Variants in GANC observed in about 807,000 individuals in gnomAD.
GANC encodes the protein glucosidase alpha, neutral C.
Under a neutral mutation model 124.2 loss-of-function variants are expected in GANC, and 117 were observed. That is an observed-to-expected ratio of 0.94 (90% confidence interval 0.81 to 1.10). The LOEUF (loss-of-function observed/expected upper bound fraction) is 1.10. GANC is among the 50% of genes least tolerant of loss of function. GANC has a pLI of 0.00. For synonymous variants in GANC, 377 were observed against 376.8 expected (o/e 1.00, Z -0.01); for missense variants, 1,140 against 1,095.0 (o/e 1.04, Z -0.58).
chr15:42,278,474 A>G lies in GANC; in HGVS notation c.93-8A>G, dbSNP rs2051698089. On this transcript the variant is annotated splice_polypyrimidine_tract_variant and splice_region_variant and intron_variant, in intron 2 of 23. Transcript: ENST00000318010. ...ATTATCAAGCATCTGCATACTCCGT[A>G]TCTATAGGCGTCAGAAACAGTGGCT... The G allele has an allele frequency of 6.3e-7, 1 of 1,576,408 alleles. No individual in the cohort carries two copies. Among genetic ancestry groups the G allele is most frequent in the Non-Finnish European group, 8.7e-7 (1 of 1,149,206 alleles).
chr15:42,299,184 G>A (rs1241408528), intron 6 of GANC, among the ~76,000 whole-genome samples: 2 of 152,114 alleles, frequency 1.3e-5, no homozygotes, highest in East Asian at 3.9e-4. Context: ...CATTCAGTGT[G>A]ATATTGGCTG....
intron 3 of GANC, among the ~76,000 whole-genome samples, chr15:42,280,206 A>G (rs1219387773): frequency 2.0e-5 from 3 of 152,064 alleles, no homozygotes; most frequent in Non-Finnish European, 2.9e-5. Flanking sequence ...AAAATCTAGT[A>G]CTGATTCTTA....
rs2052454863 is a variant in GANC at position 42,352,375 on chromosome 15, A to G, written c.*236A>G. 4.6e-6 allele frequency: 6 copies of G among 1,303,752 alleles called. No individual in the cohort carries two copies. The Admixed American group carries it at 9.8e-5, about 21-fold the overall frequency. The allele number at this position is 1,303,752 out of a possible 1,614,324, so 80.8% of individuals were successfully genotyped here. On this transcript the variant is annotated 3_prime_UTR_variant, in exon 24 of 24. Transcript: ENST00000318010. ...TCAAACATCTCCTTTTCTCCCTGAT[A>G]CATAGCCCTGAGACATTTATAGCGT...
intron 5 of GANC, among the ~76,000 whole-genome samples, chr15:42,297,394 C>A (rs1186501999): frequency 3.9e-5 from 6 of 152,046 alleles, no homozygotes; most frequent in Admixed American, 3.9e-4. Flanking sequence ...AACTCCTGGG[C>A]TCAAGTGACC....
chr15:42,281,366 T>C (rs1342339922), intron 3 of GANC, among the ~76,000 whole-genome samples: 3 of 152,192 alleles, frequency 2.0e-5, no homozygotes, highest in African/African-American at 7.2e-5. Context: ...CTGCATCTTA[T>C]ATGCAGCTCA....
intron 10 of GANC, among the ~76,000 whole-genome samples, chr15:42,320,207 T>A (rs1021036897): frequency 6.6e-6 from 1 of 151,964 alleles, no homozygotes; most frequent in African/African-American, 2.4e-5. Context: ...TAATTAATTT[T>A]AAAAAAAAGT....
chr15:42,303,670 G>GAAAAAA (rs150074091), intron 6 of GANC, among the ~76,000 whole-genome samples: 5 of 128,584 alleles, frequency 3.9e-5, no homozygotes, highest in South Asian at 2.4e-4. Flanking sequence ...TATTTACCAA[G>GAAAAAA]AAAAAAAAAA....
intron 5 of GANC, among the ~76,000 whole-genome samples, chr15:42,296,850 C>CT (rs774454911): frequency 0.04 from 5,432 of 134,318 alleles, 280 homozygotes; most frequent in African/African-American, 0.13. Context: ...TTTCTTTTTC[C>CT]TTTTTTTTTT....
intron 10 of GANC, among the ~76,000 whole-genome samples, chr15:42,316,447 A>T (rs1249547040): frequency 6.6e-6 from 1 of 152,192 alleles, no homozygotes; most frequent in Non-Finnish European, 1.5e-5. Context: ...TCACGTGATC[A>T]TGGGACGGGG....
intron 10 of GANC, chr15:42,314,936 A>G (rs949154585): frequency 2.6e-5 from 4 of 152,238 alleles, no homozygotes; most frequent in African/African-American, 9.6e-5. Context: ...AGAACAAGTT[A>G]CAGCTACAAA....
At chr15:42,283,929 G>A in intron 3 of GANC, 1 of 702,620 alleles carries the variant, frequency 1.4e-6, no homozygotes, top group Non-Finnish European at 2.6e-6. Context: ...ATTCTTTGTA[G>A]AAAATCAGTG....
At chr15:42,327,765 T>C (rs2052209499) in intron 13 of GANC, among the ~76,000 whole-genome samples, 1 of 152,220 alleles carries the variant, frequency 6.6e-6, no homozygotes, top group Non-Finnish European at 1.5e-5. Context: ...TAACTGTTAT[T>C]TAAATATGAT....
At chr15:42,322,056 C>T in intron 11 of GANC, 36 bp downstream of exon 11, 1 of 1,531,056 alleles carries the variant, frequency 6.5e-7, no homozygotes, top group Non-Finnish European at 8.9e-7. Flanking sequence ...CTTTTAATTA[C>T]AGAGTTTTAA....
rs75090520 is a variant in GANC at position 42,353,146 on chromosome 15, G to C, written c.*1007G>C. On this transcript the variant is annotated 3_prime_UTR_variant, in exon 24 of 24. Transcript: ENST00000318010. ...TGGGGCAGAACATTACAACATACCA[G>C]TCGTGTCATGGTGCCCAAGGCTCCA... 0.079 allele frequency: 77,487 copies of C among 985,690 alleles called. 3,303 individuals are homozygous for C. The highest frequency in any genetic ancestry group is 0.17 in the South Asian group (3,630 of 21,266). The allele number at this position is 985,690 out of a possible 1,614,324, so 61.1% of individuals were successfully genotyped here.
intron 11 of GANC, among the ~76,000 whole-genome samples, chr15:42,324,090 C>A (rs58712247): frequency 0.17 from 25,412 of 149,490 alleles, 3,963 homozygotes; most frequent in African/African-American, 0.41. Context: ...TCAGCAACAA[C>A]AAAAAAAAAC....
rs150811504 is a variant in GANC at position 42,291,505 on chromosome 15, C to T, written c.330-1230C>T. ...TAGCCCCTCTGGATTCTGTTCCCCA[C>T]GAGAATCCAGAACATACCCCCTTCA... is the stretch of plus-strand genomic sequence containing the variant. On this transcript the variant is annotated intron_variant, in intron 4 of 23. Transcript: ENST00000318010. Among the ~76,000 whole-genome samples the T allele has an allele frequency of 2.1e-3, 318 of 152,250 alleles. 1 individual carries two copies. The East Asian group carries it at 0.023, about 11-fold the overall frequency.
At chr15:42,282,911 C>T (rs2051747881) in intron 3 of GANC, among the ~76,000 whole-genome samples, 1 of 152,140 alleles carries the variant, frequency 6.6e-6, no homozygotes, top group Admixed American at 6.5e-5. Context: ...CTTCTTGTGC[C>T]CTCGCATAGT....
intron 22 of GANC, among the ~76,000 whole-genome samples, chr15:42,350,864 T>TTTA (rs3036683): frequency 0.1 from 13,745 of 137,326 alleles, 735 homozygotes; most frequent in South Asian, 0.18. Flanking sequence ...CGAGTCGTCT[T>TTTA]TTATTATTAT....
At chr15:42,351,162 G>A (rs1479126650) in intron 22 of GANC, among the ~76,000 whole-genome samples, 167 bp from the exon 23 acceptor site, 13 of 152,164 alleles carry the variant, frequency 8.5e-5, no homozygotes, top group African/African-American at 1.7e-4. Context: ...GTGAGCCACC[G>A]TGCCTGGGTC....
Sources: allele counts gnomAD v4.1 joint callset (sites outside exome capture counted in the v4.1 genomes callset), GRCh38; gene constraint gnomAD v4.1.1; transcripts MANE v1.5; gene names NCBI Gene and HGNC (gene_info 2026-07-23, HGNC 2026-07-21).